RELN: variants seen among roughly 807,000 people sequenced by gnomAD.
RELN encodes the protein reelin.
A neutral mutation model predicts 427.6 loss-of-function variants in RELN; 108 were observed. That is an observed-to-expected ratio of 0.25 (90% CI 0.22 to 0.30). The LOEUF is 0.30. RELN is among the 10% of genes least tolerant of loss of function. RELN has a pLI of 1.00. For missense variants in RELN, 3,715 were observed against 4,302.8 expected (o/e 0.86, Z 3.82); for synonymous variants, 1,524 against 1,513.4 (o/e 1.01, Z -0.16).
At chr7:103,807,070 A>C (rs1042630393) in intron 3 of RELN, among the ~76,000 whole-genome samples, 2 of 152,302 alleles carry the variant, frequency 1.3e-5, no homozygotes, top group South Asian at 4.1e-4. Flanking sequence ...GAATGGGGAG[A>C]CTGAGAGGAG....
chr7:103,935,026 G>C (rs959096709), intron 1 of RELN, among the ~76,000 whole-genome samples: 22 of 152,320 alleles, frequency 1.4e-4, no homozygotes, highest in African/African-American at 5.3e-4. Flanking sequence ...AAAGCCATCA[G>C]ACTGACATGT....
intron 1 of RELN, among the ~76,000 whole-genome samples, chr7:103,951,797 C>G (rs1353726189): frequency 6.6e-6 from 1 of 152,160 alleles, no homozygotes; most frequent in Non-Finnish European, 1.5e-5. Flanking sequence ...CTCAGCCTCC[C>G]AAGTAGTTGG....
intron 10 of RELN, among the ~76,000 whole-genome samples, chr7:103,684,895 T>C (rs151257393): frequency 6.6e-6 from 1 of 152,300 alleles, no homozygotes; most frequent in East Asian, 1.9e-4. Context: ...TTCAATCTAT[T>C]TTAAACTATT....
rs547006731 is a variant in RELN, at chr7:103,844,729, T to C, written c.338-11057A>G. Among the ~76,000 whole-genome samples, 23 of 152,324 alleles carry C rather than the reference T, an allele frequency of 1.5e-4. No homozygotes were observed. In the South Asian group the frequency reaches 4.3e-3, roughly 29 times the overall value. On this transcript the variant is annotated intron_variant, in intron 2 of 64. Transcript: ENST00000428762. ...GATAATAAGATCTACTCAATAGAAC[T>C]GTGGGAATGATTAAGTAAAACAATT...
intron 4 of RELN, among the ~76,000 whole-genome samples, chr7:103,773,130 T>TTCTTTCTTTCTTTCTTTCTTTCTC (rs1791620427): frequency 2.0e-5 from 2 of 98,160 alleles, no homozygotes; most frequent in South Asian, 7.9e-4. Flanking sequence ...CTTTCTTTCT[T>TTCTTTCTTTCTTTCTTTCTTTCTC]TCTTTCTTTC....
chr7:103,571,799 G>C (rs780266992), intron 31 of RELN, among the ~76,000 whole-genome samples: 42 of 152,182 alleles, frequency 2.8e-4, no homozygotes, highest in Non-Finnish European at 5.4e-4. Context: ...ATGGGCCGAA[G>C]TAGACTTTGA....
intron 7 of RELN, among the ~76,000 whole-genome samples, chr7:103,723,944 AAAG>A (rs1312847297): frequency 1.3e-5 from 2 of 152,294 alleles, no homozygotes; most frequent in East Asian, 3.9e-4. Context: ...CCCCCTTCTG[AAAG>A]AAGAATGGTG....
chr7:103,674,373 C>T (rs1338614458), intron 11 of RELN, among the ~76,000 whole-genome samples: 8 of 152,038 alleles, frequency 5.3e-5, no homozygotes, highest in Admixed American at 1.3e-4. Flanking sequence ...TATTTGATTC[C>T]TAGTCCTTTA....
chr7:103,521,938 G>A (rs1392604110), intron 48 of RELN, 84 bp downstream of exon 48: 9 of 1,365,860 alleles, frequency 6.6e-6, no homozygotes, highest in Non-Finnish European at 9.4e-6. Context: ...ATCTTGATTT[G>A]CCCATTAAAC....
Position 103,517,491 on chromosome 7 carries a change from A to G in RELN, c.7862+1832T>C, listed in dbSNP as rs372682157. 7.2e-5 allele frequency among the ~76,000 whole-genome samples: 11 copies of G among 152,344 alleles called. No homozygotes were observed. The South Asian group carries it at 2.3e-3, about 32-fold the overall frequency. ...CAATTTGATTCCCCTTCAGAGAACT[A>G]AAGTAGATTAGACAGTTATGCTTTT... On this transcript the variant is annotated intron_variant, in intron 49 of 64. Coordinates refer to ENST00000428762, the MANE Select transcript of RELN (RefSeq NM_005045.4).
chr7:103,483,338 A>T (rs1188049976), intron 62 of RELN, among the ~76,000 whole-genome samples: 1 of 152,252 alleles, frequency 6.6e-6, no homozygotes, highest in Non-Finnish European at 1.5e-5. Flanking sequence ...CTAGCACACC[A>T]GCAGAAAATA....
intron 28 of RELN, among the ~76,000 whole-genome samples, chr7:103,581,024 G>T (rs890891836): frequency 1.3e-5 from 2 of 152,172 alleles, no homozygotes; most frequent in East Asian, 1.9e-4. Flanking sequence ...CTGGAGATGG[G>T]CAGGAAGGAG....
At chr7:103,881,891 G>A (rs752467622) in intron 2 of RELN, among the ~76,000 whole-genome samples, 25 of 152,104 alleles carry the variant, frequency 1.6e-4, no homozygotes, top group Admixed American at 3.3e-4. Flanking sequence ...AAGCCCACTG[G>A]ATTTTAAGCT....
chr7:103,765,998 T>C (rs1171720351), intron 4 of RELN, among the ~76,000 whole-genome samples: 2 of 152,212 alleles, frequency 1.3e-5, no homozygotes, highest in Non-Finnish European at 2.9e-5. Context: ...AATTTTACTA[T>C]GGTCATGTGA....
At chr7:103,717,315 C>T (rs1337140816) in intron 8 of RELN, among the ~76,000 whole-genome samples, 4 of 148,546 alleles carry the variant, frequency 2.7e-5, no homozygotes, top group East Asian at 1.9e-4. Flanking sequence ...GATAAATATA[C>T]ATATGTTTTA....
At chr7:103,804,405 C>T (rs1346213574) in intron 3 of RELN, among the ~76,000 whole-genome samples, 2 of 152,054 alleles carry the variant, frequency 1.3e-5, no homozygotes, top group South Asian at 2.1e-4. Flanking sequence ...ATCATTTATG[C>T]TCTGAATGTC....
chr7:103,711,633 C>A (rs1308787492), intron 8 of RELN, among the ~76,000 whole-genome samples: 2 of 152,140 alleles, frequency 1.3e-5, no homozygotes, highest in Non-Finnish European at 1.5e-5. Context: ...GATGAAATGA[C>A]TTTTAAGCTA....
At chr7:103,500,551 A>G (rs1828992161) in intron 53 of RELN, among the ~76,000 whole-genome samples, 194 bp downstream of exon 53, 1 of 152,204 alleles carries the variant, frequency 6.6e-6, no homozygotes, top group African/African-American at 2.4e-5. Flanking sequence ...TGAACTGGAT[A>G]AACTGTACTA....
At chr7:103,545,483 G>GAAAAAAAAAA in intron 41 of RELN, 139 bp from the exon 42 acceptor site, 3 of 698,986 alleles carry the variant, frequency 4.3e-6, no homozygotes, top group South Asian at 3.2e-5. Context: ...GCCATTTCAG[G>GAAAAAAAAAA]AACAAAACTC....
Sources: allele counts gnomAD v4.1 joint callset (sites outside exome capture counted in the v4.1 genomes callset), GRCh38; gene constraint gnomAD v4.1.1; transcripts MANE v1.5; gene names NCBI Gene and HGNC (gene_info 2026-07-23, HGNC 2026-07-21).